ENDOG: variants seen among roughly 807,000 people sequenced by gnomAD.
ENDOG encodes the protein endonuclease G.
Under a neutral mutation model 22.6 loss-of-function variants are expected in ENDOG, and 22 were observed. The observed-to-expected ratio is 0.97, with a 90% confidence interval of 0.70 to 1.39. ENDOG has a LOEUF of 1.39. Among genes scored for constraint, ENDOG ranks in the 40% most tolerant of loss-of-function variants. The pLI is 0.00. For missense variants in ENDOG, 403 were observed against 431.3 expected (o/e 0.93, Z 0.58); for synonymous variants, 173 against 200.2 (o/e 0.86, Z 1.15).
At chr9:128,822,007 T>TG (rs1830128733) in intron 2 of ENDOG, 1 of 372,280 alleles carries the variant, frequency 2.7e-6, no homozygotes, top group Non-Finnish European at 5.1e-6. Context: ...CTCACCTCTG[T>TG]GGGGAGAGAT....
rs1433290079 is a variant in ENDOG at position 128,820,764 on chromosome 9, G to C, written c.527G>C (p.Trp176Ser). 1.9e-6 allele frequency: 3 copies of C among 1,611,678 alleles called. No homozygotes were observed. The African/African-American group carries it at 4.0e-5, about 22-fold the overall frequency. ...PQVPHLNQNA[W>S]NNLEKYSRSL... ...GTGCCCCACCTCAACCAGAATGCCT[G>C]GAACAACCTGGAGAAATATAGCCGC... is the stretch of plus-strand genomic sequence containing the variant. The change falls in exon 2 of 3, where the codon TGG (tryptophan) becomes TCG (serine). Residue 176 changes from tryptophan (W) to serine (S), a missense_variant. By Grantham distance (177) the Trp-to-Ser change is radical. Coordinates refer to ENST00000372642, the MANE Select transcript of ENDOG (RefSeq NM_004435.2).
At chr9:128,819,637 A>G (rs1293139738) in intron 1 of ENDOG, 1 of 171,974 alleles carries the variant, frequency 5.8e-6, no homozygotes, top group Non-Finnish European at 1.2e-5. Context: ...GGGTTTCAGG[A>G]TAATTCAAGT....
intron 2 of ENDOG, 79 bp downstream of exon 2, chr9:128,820,927 CCCAGGCTCTGGGTCAATA>C: frequency 7.4e-7 from 1 of 1,351,258 alleles, no homozygotes; most frequent in Non-Finnish European, 1.0e-6. Context: ...CCAGGCTTGC[CCCAGGCTCTGGGTCAATA>C]CCAGTTCCCT....
Position 128,818,959 on chromosome 9 carries a change from C to T in ENDOG, c.275C>T (p.Ala92Val). 6.7e-7 allele frequency: 1 copy of T among 1,492,078 alleles called. No individual in the cohort carries two copies. Among genetic ancestry groups the T allele is most frequent in the Non-Finnish European group, 8.9e-7 (1 of 1,129,076 alleles). The allele number at this position is 1,492,078 out of a possible 1,614,324, so 92.4% of individuals were successfully genotyped here. ...VLCYDPRTRG[A>V]LWVVEQLRPE... ...TGCTACGACCCGCGCACCCGCGGCG[C>T]GCTCTGGGTGGTGGAGCAGCTGCGA... The change falls in exon 1 of 3, where the codon GCG becomes GTG. Residue 92 changes from alanine (A) to valine (V), a missense_variant. By Grantham distance (64) the Ala-to-Val change is moderately conservative (BLOSUM62 0). Transcript: ENST00000372642.
chr9:128,821,068 G>A (rs1477265765), intron 2 of ENDOG: 5 of 569,402 alleles, frequency 8.8e-6, no homozygotes, highest in African/African-American at 5.6e-5. Flanking sequence ...TCTGCCCATG[G>A]GCAGCAGCAG....
intron 2 of ENDOG, 83 bp from the exon 3 acceptor site, chr9:128,822,245 A>C (rs942099542): frequency 1.3e-6 from 2 of 1,518,330 alleles, no homozygotes; most frequent in Non-Finnish European, 8.9e-7. Flanking sequence ...AAGTTAGAGG[A>C]CAGATCAGGG....
chr9:128,820,578 G>C (rs1295733567), intron 1 of ENDOG, 161 bp from the exon 2 acceptor site: 1 of 638,864 alleles, frequency 1.6e-6, no homozygotes, highest in Non-Finnish European at 2.8e-6. Context: ...ATCAGCCCTG[G>C]GTTTCAGGGA....
At chr9:128,819,319 G>A (rs1830058252) in intron 1 of ENDOG, 134 bp downstream of exon 1, 1 of 1,312,980 alleles carries the variant, frequency 7.6e-7, no homozygotes, top group African/African-American at 1.6e-5. Flanking sequence ...GACATCCCGT[G>A]GCGGGAGGGA....
chr9:128,820,864 G>C lies in ENDOG; in HGVS notation c.611+16G>C, dbSNP rs763369147. On this transcript the variant is annotated intron_variant, in intron 2 of 2. Coordinates refer to ENST00000372642, the MANE Select transcript of ENDOG (RefSeq NM_004435.2). ...TCCTGCCCAGGTAAGGTGGAAACCA[G>C]GGGGGCGGCAGAACCTCCCACTCAC... 1.3e-6 allele frequency: 2 copies of C among 1,592,572 alleles called. No individual in the cohort carries two copies. Among genetic ancestry groups the C allele is most frequent in the East Asian group, 2.3e-5 (1 of 44,322 alleles).
At chr9:128,822,021 C>T (rs1200473115) in intron 2 of ENDOG, 7 of 397,596 alleles carry the variant, frequency 1.8e-5, no homozygotes, top group South Asian at 1.3e-4. Context: ...GAGAGATGGA[C>T]AGTCGTTAAG....
At chr9:128,820,525 C>T in intron 1 of ENDOG, 2 of 567,998 alleles carry the variant, frequency 3.5e-6, no homozygotes, top group Non-Finnish European at 6.3e-6. Flanking sequence ...AAGACTTTGA[C>T]ACCTGGGCTG....
At chr9:128,821,373 C>T (rs564403955) in intron 2 of ENDOG, 15 of 171,934 alleles carry the variant, frequency 8.7e-5, no homozygotes, top group African/African-American at 2.7e-4. Context: ...CCCAGTGCAC[C>T]GAGCTCTCCC....
In ENDOG at chr9:128,822,641, G is replaced by A. The variant is rs1183420995; in HGVS notation, c.*31G>A. On this transcript the variant is annotated 3_prime_UTR_variant, in exon 3 of 3. Transcript: ENST00000372642. ...GAGCCCAGTGAGACTGTGGGTGTGT[G>A]CAGGCCGGGGAGTATTAAAGGTGGT... is the stretch of plus-strand genomic sequence containing the variant. 3.9e-6 allele frequency: 6 copies of A among 1,558,406 alleles called. No homozygotes were observed. The highest frequency in any genetic ancestry group is 1.9e-5 in the Admixed American group (1 of 51,344).
intron 2 of ENDOG, 22 bp from the exon 3 acceptor site, chr9:128,822,306 G>T: frequency 6.2e-7 from 1 of 1,606,502 alleles, no homozygotes. Context: ...CCCTGCCCAC[G>T]TGTGCCTGGG....
rs182927470 is a variant in ENDOG at position 128,819,531 on chromosome 9, A to G, written c.501+346A>G. 1.0e-3 allele frequency: 288 copies of G among 278,066 alleles called. 2 individuals carry two copies. Among genetic ancestry groups the G allele is most frequent in the South Asian group, 6.4e-3 (87 of 13,594 alleles). 17.2% of individuals were successfully genotyped at this position (278,066 alleles called of 1,614,324 possible). ...CGGGCACAGTGTCACACAGCAGAAG[A>G]AGGCTGTCTGTTGTAGAACCGCAGC... On this transcript the variant is annotated intron_variant, in intron 1 of 2. Transcript: ENST00000372642.
At position 128,818,535 on chromosome 9, in the gene ENDOG, C is replaced by T. The variant is rs1237397934; in HGVS notation, c.-150C>T. 1.1e-6 allele frequency: 1 copy of T among 921,602 alleles called. No homozygotes were observed. The highest frequency in any genetic ancestry group is 1.3e-6 in the Non-Finnish European group (1 of 753,440). 57.1% of individuals were successfully genotyped at this position (921,602 alleles called of 1,614,324 possible). On this transcript the variant is annotated 5_prime_UTR_variant, in exon 1 of 3. Transcript: ENST00000372642. ...GGGCTCTGCTGCTCCCTTCTGGGTTCCGAGGCCCAAGCCCTTGGCAGTGTT... is the reference window on the plus strand; with the variant it reads ...GGGCTCTGCTGCTCCCTTCTGGGTTTCGAGGCCCAAGCCCTTGGCAGTGTT...
In ENDOG at chr9:128,819,005, C is replaced by A; in HGVS notation, c.321C>A (p.Asp107Glu). 6.7e-7 allele frequency: 1 copy of A among 1,482,910 alleles called. No homozygotes were observed. Among genetic ancestry groups the A allele is most frequent in the Non-Finnish European group, 8.9e-7 (1 of 1,124,744 alleles). The allele number at this position is 1,482,910 out of a possible 1,614,324, so 91.9% of individuals were successfully genotyped here. Residue 107 changes from aspartate (D) to glutamate (E), a missense_variant, in exon 1 of 3, where the codon GAC becomes GAA. Asp to Glu is a conservative substitution (Grantham distance 45). Transcript: ENST00000372642. ...TGCGACCCGAGCGTCTCCGCGGCGACGGCGACCGGCGCGAGTGCGACTTCC... is the reference window on the plus strand; with the variant it reads ...TGCGACCCGAGCGTCTCCGCGGCGAAGGCGACCGGCGCGAGTGCGACTTCC... ...EQLRPERLRG[D>E]GDRRECDFRE...
At chr9:128,822,215 G>A (rs533220450) in intron 2 of ENDOG, 113 bp from the exon 3 acceptor site, 38 of 1,292,990 alleles carry the variant, frequency 2.9e-5, no homozygotes, top group Admixed American at 6.5e-5. Context: ...CAGTGAGGGC[G>A]TGGTCCTGCA....
At chr9:128,822,058 C>T in intron 2 of ENDOG, 1 of 511,334 alleles carries the variant, frequency 2.0e-6, no homozygotes, top group South Asian at 2.2e-5. Context: ...TGTGAATATT[C>T]AGAAGGCTCG....
Sources: allele counts gnomAD v4.1 joint callset, GRCh38; gene constraint gnomAD v4.1.1; transcripts MANE v1.5; gene names NCBI Gene and HGNC (gene_info 2026-07-23, HGNC 2026-07-21).